Variants in MAP2K1 observed in about 807,000 individuals in gnomAD.
MAP2K1 encodes the protein dual specificity mitogen-activated protein kinase kinase 1.
In MAP2K1, 16 loss-of-function variants were observed where a neutral mutation model predicts 46.3. The ratio of observed to expected loss-of-function variants is 0.35; its 90% CI spans 0.23 to 0.52. The LOEUF is 0.52. MAP2K1 is among the 20% of genes least tolerant of loss of function. The pLI, the probability that MAP2K1 is intolerant of heterozygous loss-of-function variation, is 0.94. For synonymous variants in MAP2K1, 183 were observed against 185.6 expected (o/e 0.99, Z 0.11); for missense variants, 263 against 497.1 (o/e 0.53, Z 4.48).
At chr15:66,396,885 A>T (rs556260554) in intron 1 of MAP2K1, among the ~76,000 whole-genome samples, 101 of 149,062 alleles carry the variant, frequency 6.8e-4, no homozygotes, top group Non-Finnish European at 1.0e-3. Flanking sequence ...GGGTTTCACC[A>T]TGTTGGCCAG....
intron 5 of MAP2K1, among the ~76,000 whole-genome samples, chr15:66,453,949 C>T (rs1892100166): frequency 6.6e-6 from 1 of 152,216 alleles, no homozygotes; most frequent in African/African-American, 2.4e-5. Flanking sequence ...CAGGCATGAG[C>T]TGCTAGGCTT....
chr15:66,428,619 A>G (rs926679282), intron 1 of MAP2K1, among the ~76,000 whole-genome samples: 1 of 152,238 alleles, frequency 6.6e-6, no homozygotes, highest in African/African-American at 2.4e-5. Context: ...CACAAAAACC[A>G]AAAACATTTT....
chr15:66,425,258 CT>C (rs1483510390), intron 1 of MAP2K1, among the ~76,000 whole-genome samples: 1 of 152,186 alleles, frequency 6.6e-6, no homozygotes, highest in Admixed American at 6.5e-5. Flanking sequence ...AGTTAGTAGA[CT>C]TTTGCTTTCT....
chr15:66,394,006 C>G (rs1016359134), intron 1 of MAP2K1, among the ~76,000 whole-genome samples: 1 of 152,174 alleles, frequency 6.6e-6, no homozygotes. Flanking sequence ...TCTTCTTCTG[C>G]CACCCCAAGT....
intron 1 of MAP2K1, among the ~76,000 whole-genome samples, chr15:66,410,006 T>TCTTGATA (rs1443237171): frequency 6.6e-6 from 1 of 152,174 alleles, no homozygotes; most frequent in Non-Finnish European, 1.5e-5. Flanking sequence ...GTGGAAAAGA[T>TCTTGATA]CTTGATAGTT....
intron 1 of MAP2K1, among the ~76,000 whole-genome samples, chr15:66,432,830 A>G (rs1411156849): frequency 6.6e-6 from 1 of 152,154 alleles, no homozygotes; most frequent in African/African-American, 2.4e-5. Flanking sequence ...GAGTTTGCTC[A>G]TCTGTTCTAA....
At chr15:66,461,533 C>T (rs1369900050) in intron 5 of MAP2K1, among the ~76,000 whole-genome samples, 4 of 151,362 alleles carry the variant, frequency 2.6e-5, no homozygotes, top group Non-Finnish European at 5.9e-5. Context: ...ATAATAGAGT[C>T]TAGTGATATA....
intron 1 of MAP2K1, among the ~76,000 whole-genome samples, chr15:66,391,525 T>C (rs776360523): frequency 3.5e-4 from 53 of 152,284 alleles, no homozygotes; most frequent in Non-Finnish European, 6.0e-4. Context: ...CCTGATCTCG[T>C]GATCCCAAAG....
intron 1 of MAP2K1, among the ~76,000 whole-genome samples, chr15:66,409,451 A>G (rs1188040776): frequency 1.3e-5 from 2 of 152,086 alleles, no homozygotes; most frequent in Non-Finnish European, 2.9e-5. Context: ...ACTTATCCCT[A>G]GCAAATGCTG....
At chr15:66,410,609 G>A (rs1215663636) in intron 1 of MAP2K1, among the ~76,000 whole-genome samples, 1 of 151,650 alleles carries the variant, frequency 6.6e-6, no homozygotes, top group East Asian at 2.0e-4. Flanking sequence ...ATAGGTCCAA[G>A]TCTAGAACTT....
chr15:66,413,218 T>C (rs1250136091), intron 1 of MAP2K1, among the ~76,000 whole-genome samples: 2 of 152,140 alleles, frequency 1.3e-5, no homozygotes, highest in Non-Finnish European at 2.9e-5. Context: ...TTTTAGAAGC[T>C]AGGATGTCAG....
chr15:66,402,457 T>C (rs2093384424), intron 1 of MAP2K1, among the ~76,000 whole-genome samples: 1 of 152,254 alleles, frequency 6.6e-6, no homozygotes, highest in South Asian at 2.1e-4. Context: ...ACTAAAACTT[T>C]TAACCCACTC....
chr15:66,400,643 C>G (rs553002127), intron 1 of MAP2K1, among the ~76,000 whole-genome samples: 9 of 152,290 alleles, frequency 5.9e-5, no homozygotes, highest in African/African-American at 2.2e-4. Flanking sequence ...CCCAAGAGAG[C>G]TGTTTAGAGG....
At chr15:66,426,030 G>A (rs1194013452) in intron 1 of MAP2K1, among the ~76,000 whole-genome samples, 1 of 152,128 alleles carries the variant, frequency 6.6e-6, no homozygotes, top group Non-Finnish European at 1.5e-5. Flanking sequence ...ATGTACAAAA[G>A]GAGATTAGAA....
At chr15:66,425,550 A>G (rs1391814964) in intron 1 of MAP2K1, among the ~76,000 whole-genome samples, 1 of 152,184 alleles carries the variant, frequency 6.6e-6, no homozygotes, top group Non-Finnish European at 1.5e-5. Flanking sequence ...CATATGCAGG[A>G]AATCAGCTGC....
intron 1 of MAP2K1, among the ~76,000 whole-genome samples, chr15:66,420,468 A>C (rs75758355): frequency 0.2 from 30,224 of 150,824 alleles, 3,131 homozygotes; most frequent in East Asian, 0.38. Context: ...TGGGAGGATC[A>C]CCTGAGCCTG....
At position 66,445,246 on chromosome 15, in the gene MAP2K1, G is replaced by A. The variant is rs73471718; in HGVS notation, c.568+539G>A. Reference sequence around the variant, plus strand: ...TCTACTAAAAATACAAAAATTAGCCGCCAGCCATGGTGGCGAGCACCTGTA... The same window carrying A: ...TCTACTAAAAATACAAAAATTAGCCACCAGCCATGGTGGCGAGCACCTGTA... On this transcript the variant is annotated intron_variant, in intron 5 of 10. Coordinates refer to ENST00000307102, the MANE Select transcript of MAP2K1 (RefSeq NM_002755.4). 6.7e-3 allele frequency among the ~76,000 whole-genome samples: 1,026 copies of A among 152,018 alleles called. 16 individuals carry two copies. Among genetic ancestry groups the A allele is most frequent in the African/African-American group, 0.024 (980 of 41,446 alleles).
At chr15:66,426,335 C>A (rs2093458719) in intron 1 of MAP2K1, among the ~76,000 whole-genome samples, 1 of 139,688 alleles carries the variant, frequency 7.2e-6, no homozygotes. Flanking sequence ...ACTTCATAGC[C>A]TTCATGAAAT....
chr15:66,410,179 G>C (rs2093407860), intron 1 of MAP2K1, among the ~76,000 whole-genome samples: 1 of 152,178 alleles, frequency 6.6e-6, no homozygotes, highest in African/African-American at 2.4e-5. Flanking sequence ...CTTGTCTTCT[G>C]TCTTACAACT....
Sources: gnomAD v4.1 joint callset for allele counts (sites outside exome capture counted in the v4.1 genomes callset) on GRCh38, gnomAD v4.1.1 for gene constraint, MANE v1.5 for transcripts, NCBI Gene and HGNC (gene_info 2026-07-23, HGNC 2026-07-21) for gene names.